Variants in MARCHF1 observed in about 807,000 individuals in gnomAD.
MARCHF1 encodes the protein membrane associated ring-CH-type finger 1, also known as E3 ubiquitin-protein ligase MARCHF1.
A neutral mutation model predicts 54.2 loss-of-function variants in MARCHF1; 40 were observed. The observed-to-expected ratio is 0.74, with a 90% CI of 0.57 to 0.96. The LOEUF (loss-of-function observed/expected upper bound fraction) is 0.96. Ranked by LOEUF, MARCHF1 falls within the 40% of genes least tolerant of loss-of-function variation. The probability of loss-of-function intolerance (pLI) is 0.00; values close to 1 mark genes in which losing one functional copy is unlikely to be tolerated. For synonymous variants in MARCHF1, 236 were observed against 236.3 expected (o/e 1.00, Z 0.01); for missense variants, 586 against 656.5 (o/e 0.89, Z 1.17).
intron 4 of MARCHF1, among the ~76,000 whole-genome samples, chr4:163,702,214 C>A (rs141365853): frequency 6.6e-6 from 1 of 152,160 alleles, no homozygotes. Context: ...CAGCTCATAA[C>A]AGCCCCATGC....
chr4:163,814,749 C>T (rs1306253147), intron 4 of MARCHF1, among the ~76,000 whole-genome samples: 2 of 152,082 alleles, frequency 1.3e-5, no homozygotes, highest in African/African-American at 4.8e-5. Flanking sequence ...TGGCTTTGGA[C>T]AAATCATTTA....
At chr4:164,119,103 T>G (rs1756008893) in intron 1 of MARCHF1, among the ~76,000 whole-genome samples, 1 of 151,678 alleles carries the variant, frequency 6.6e-6, no homozygotes, top group South Asian at 2.1e-4. Flanking sequence ...GAGAATTGAC[T>G]ACACATTAGA....
rs73868929 is a variant in MARCHF1, at chr4:163,894,392, T to C, written c.-38-40223A>G. Among the ~76,000 whole-genome samples the C allele has an allele frequency of 7.8e-3, 1,180 of 152,030 alleles. 21 individuals carry two copies. The highest frequency in any genetic ancestry group is 0.028 in the African/African-American group (1,145 of 41,480). On this transcript the variant is annotated intron_variant, in intron 3 of 9. Transcript: ENST00000514618. ...ATAGCTACATACCCAATATGCTTAA[T>C]ACAAAGCTATATAGATTTGTAATAA...
intron 1 of MARCHF1, among the ~76,000 whole-genome samples, chr4:164,164,490 C>G (rs1730320773): frequency 6.6e-6 from 1 of 151,586 alleles, no homozygotes; most frequent in African/African-American, 2.4e-5. Flanking sequence ...ACATTCAGAC[C>G]CAGCAAGTAA....
chr4:164,098,604 C>T (rs529423097), intron 2 of MARCHF1, among the ~76,000 whole-genome samples: 7 of 152,092 alleles, frequency 4.6e-5, no homozygotes, highest in East Asian at 1.9e-4. Context: ...TGTGTCACAA[C>T]GAAAGTGATA....
intron 4 of MARCHF1, among the ~76,000 whole-genome samples, chr4:163,711,097 T>C (rs1358898307): frequency 6.6e-6 from 1 of 151,926 alleles, no homozygotes; most frequent in Non-Finnish European, 1.5e-5. Flanking sequence ...GTTTTGTAAA[T>C]GACGTGTAAT....
intron 1 of MARCHF1, among the ~76,000 whole-genome samples, chr4:164,151,810 C>T (rs528907151): frequency 3.9e-5 from 6 of 152,188 alleles, no homozygotes; most frequent in South Asian, 2.1e-4. Context: ...TATTGGCCAA[C>T]GTCCTAATTC....
At chr4:163,922,753 G>GAC (rs1751458780) in intron 3 of MARCHF1, among the ~76,000 whole-genome samples, 1 of 152,058 alleles carries the variant, frequency 6.6e-6, no homozygotes, top group African/African-American at 2.4e-5. Context: ...AATGCTAAAT[G>GAC]ACACACATCA....
intron 4 of MARCHF1, among the ~76,000 whole-genome samples, chr4:163,825,855 C>A (rs532313184): frequency 6.6e-6 from 1 of 151,884 alleles, no homozygotes; most frequent in East Asian, 1.9e-4. Context: ...TCATTTTTCA[C>A]CTCTCCCTAT....
chr4:164,035,808 C>T (rs115692530), intron 2 of MARCHF1, among the ~76,000 whole-genome samples: 1,697 of 150,570 alleles, frequency 0.011, 38 homozygotes, highest in African/African-American at 0.039. Context: ...TGGCCGGGTG[C>T]GGTGGCTTAC....
chr4:163,669,635 G>T (rs1409977908), intron 5 of MARCHF1, among the ~76,000 whole-genome samples: 2 of 146,598 alleles, frequency 1.4e-5, no homozygotes, highest in African/African-American at 5.1e-5. Flanking sequence ...GTCTCACTCT[G>T]TTGCCCAGGC....
chr4:164,095,403 CACACACACACAA>C (rs574990652), intron 2 of MARCHF1, among the ~76,000 whole-genome samples: 4 of 146,986 alleles, frequency 2.7e-5, no homozygotes, highest in African/African-American at 7.6e-5. Flanking sequence ...TGCTATATTA[CACACACACACAA>C]ACACACACAC....
intron 1 of MARCHF1, among the ~76,000 whole-genome samples, chr4:164,378,464 C>T (rs905546146): frequency 5.3e-5 from 8 of 152,184 alleles, no homozygotes; most frequent in Admixed American, 1.3e-4. Flanking sequence ...GAAAGAAGAG[C>T]GGATTCTCAG....
intron 1 of MARCHF1, among the ~76,000 whole-genome samples, chr4:164,349,304 T>TAGA (rs1230978290): frequency 7.6e-6 from 1 of 131,308 alleles, no homozygotes; most frequent in African/African-American, 2.6e-5. Context: ...ATCTCCTGGG[T>TAGA]AGAAGTTAAA....
At chr4:163,592,763 C>G (rs1740633334) in intron 7 of MARCHF1, among the ~76,000 whole-genome samples, 1 of 152,030 alleles carries the variant, frequency 6.6e-6, no homozygotes, top group Non-Finnish European at 1.5e-5. Context: ...ACTGAGGATT[C>G]CCACTGAGAT....
chr4:164,190,317 C>A, intron 1 of MARCHF1: 1 of 695,204 alleles, frequency 1.4e-6, no homozygotes, highest in South Asian at 1.8e-5. Context: ...GAGGATACGG[C>A]AGAAAAAGAT....
chr4:164,140,538 A>G (rs1756506683), intron 1 of MARCHF1, among the ~76,000 whole-genome samples: 1 of 152,002 alleles, frequency 6.6e-6, no homozygotes, highest in South Asian at 2.1e-4. Flanking sequence ...ACCCCTCACT[A>G]ATTCCTGTTT....
chr4:163,797,118 A>G (rs1165858309), intron 4 of MARCHF1, among the ~76,000 whole-genome samples: 1 of 150,860 alleles, frequency 6.6e-6, no homozygotes, highest in East Asian at 1.9e-4. Flanking sequence ...TTTTCTCTTT[A>G]ATTCATTTTA....
chr4:163,939,797 T>A (rs998712134), intron 3 of MARCHF1, among the ~76,000 whole-genome samples: 1 of 152,206 alleles, frequency 6.6e-6, no homozygotes, highest in African/African-American at 2.4e-5. Flanking sequence ...TTTCAGCTGA[T>A]GTCAGCATAA....
Sources: allele counts gnomAD v4.1 joint callset (sites outside exome capture counted in the v4.1 genomes callset), GRCh38; gene constraint gnomAD v4.1.1; transcripts MANE v1.5; gene names NCBI Gene and HGNC (gene_info 2026-07-23, HGNC 2026-07-21).